Variants in SUGCT observed in about 807,000 individuals in gnomAD.
The protein encoded by SUGCT is succinyl-CoA:glutarate CoA-transferase.
Under a neutral mutation model 55.0 loss-of-function variants are expected in SUGCT, and 41 were observed. The observed-to-expected ratio is 0.74, with a 90% confidence interval of 0.58 to 0.97. SUGCT has a LOEUF of 0.97. SUGCT is among the 50% of genes least tolerant of loss of function. SUGCT has a pLI of 0.00. For synonymous variants in SUGCT, 187 were observed against 200.4 expected (o/e 0.93, Z 0.56); for missense variants, 568 against 547.8 (o/e 1.04, Z -0.37).
chr7:40,327,895 C>T (rs1333361112), intron 9 of SUGCT, among the ~76,000 whole-genome samples: 2 of 152,008 alleles, frequency 1.3e-5, no homozygotes, highest in Admixed American at 1.3e-4. Context: ...TTACCACAGC[C>T]CTTAAAATAG....
intron 7 of SUGCT, among the ~76,000 whole-genome samples, chr7:40,262,615 A>G (rs1164897603): frequency 6.6e-6 from 1 of 151,898 alleles, no homozygotes. Context: ...CAGTGAGCCG[A>G]GATCGTACCA....
chr7:40,756,798 A>G (rs1389688242), intron 13 of SUGCT, among the ~76,000 whole-genome samples: 1 of 152,184 alleles, frequency 6.6e-6, no homozygotes, highest in Non-Finnish European at 1.5e-5. Flanking sequence ...TTCAGATGAC[A>G]ACAGGAAAAG....
chr7:40,715,240 T>C (rs1252936949), intron 12 of SUGCT, among the ~76,000 whole-genome samples: 1 of 152,168 alleles, frequency 6.6e-6, no homozygotes, highest in Non-Finnish European at 1.5e-5. Context: ...GAATGAGCAG[T>C]TATGGTCAGT....
intron 12 of SUGCT, among the ~76,000 whole-genome samples, chr7:40,602,178 T>C (rs1396891894): frequency 6.6e-6 from 1 of 152,162 alleles, no homozygotes; most frequent in African/African-American, 2.4e-5. Context: ...CAAACCATGG[T>C]TATATACTTA....
At chr7:40,141,410 G>A (rs1787973373) in intron 1 of SUGCT, among the ~76,000 whole-genome samples, 1 of 152,026 alleles carries the variant, frequency 6.6e-6, no homozygotes, top group South Asian at 2.1e-4. Context: ...TGAGGCAGAT[G>A]GATCACAAGG....
chr7:40,554,100 A>G (rs1419527531), intron 12 of SUGCT, among the ~76,000 whole-genome samples: 1 of 152,224 alleles, frequency 6.6e-6, no homozygotes, highest in Non-Finnish European at 1.5e-5. Context: ...AAGCTGTGTA[A>G]CTTAGGCAAT....
Position 40,245,591 on chromosome 7 carries a change from C to T in SUGCT, c.576+7865C>T, listed in dbSNP as rs188134778. On this transcript the variant is annotated intron_variant, in intron 7 of 13. Transcript: ENST00000335693. ...AGTAGCTGGGACTACAGGGGCCCAC[C>T]ACCACGCCCGGCTAATTTTTTGTAT... Among the ~76,000 whole-genome samples the T allele has an allele frequency of 7.4e-3, 1,102 of 148,974 alleles. 16 individuals are homozygous for T. Among genetic ancestry groups the T allele is most frequent in the African/African-American group, 0.026 (1,041 of 40,384 alleles).
chr7:40,506,144 T>TA (rs1296668858), intron 12 of SUGCT, among the ~76,000 whole-genome samples: 1 of 152,172 alleles, frequency 6.6e-6, no homozygotes, highest in Non-Finnish European at 1.5e-5. Context: ...ACTTTCACCC[T>TA]AAAAGATTTT....
At chr7:40,195,186 G>T in intron 6 of SUGCT, 126 bp downstream of exon 6, 1 of 1,076,274 alleles carries the variant, frequency 9.3e-7, no homozygotes, top group Non-Finnish European at 1.3e-6. Context: ...TTTTTCCAAG[G>T]CCGTTTAGGT....
At chr7:40,675,793 G>A (rs968897449) in intron 12 of SUGCT, among the ~76,000 whole-genome samples, 2 of 152,188 alleles carry the variant, frequency 1.3e-5, no homozygotes, top group African/African-American at 2.4e-5. Flanking sequence ...AGAATGGAGA[G>A]GACTGCTGGG....
chr7:40,603,282 A>T (rs149049158), intron 12 of SUGCT, among the ~76,000 whole-genome samples: 209 of 152,356 alleles, frequency 1.4e-3, no homozygotes, highest in African/African-American at 4.8e-3. Context: ...AATATGTATG[A>T]CAAATGCATA....
chr7:40,140,033 G>C (rs1327756430), intron 1 of SUGCT, among the ~76,000 whole-genome samples: 3 of 151,914 alleles, frequency 2.0e-5, no homozygotes, highest in Non-Finnish European at 4.4e-5. Context: ...CTCCCAAGTA[G>C]CTGGGATTAC....
chr7:40,674,081 GA>G lies in SUGCT; in HGVS notation c.1090-75346del, dbSNP rs542212746. On this transcript the variant is annotated intron_variant, in intron 12 of 13. Coordinates refer to ENST00000335693, the MANE Select transcript of SUGCT (RefSeq NM_001193313.2). ...ATTAAAGATTAAGCATATTATGCAA[GA>G]AAAAAATGTAAAAGGCTTAAACTAG... Among the ~76,000 whole-genome samples the G allele has an allele frequency of 1.3e-3, 197 of 152,194 alleles. 2 individuals are homozygous for G. Among genetic ancestry groups the G allele is most frequent in the Admixed American group, 2.3e-3 (35 of 15,276 alleles).
intron 12 of SUGCT, among the ~76,000 whole-genome samples, chr7:40,571,325 A>C (rs1333355608): frequency 6.6e-6 from 1 of 152,214 alleles, no homozygotes. Context: ...TATAAATGAA[A>C]TTAATATTTG....
chr7:40,781,467 A>T (rs1465281224), intron 13 of SUGCT, among the ~76,000 whole-genome samples: 5 of 151,834 alleles, frequency 3.3e-5, no homozygotes, highest in Non-Finnish European at 7.4e-5. Context: ...TGCAGGGAAG[A>T]TACACACACA....
rs141226463 is a variant in SUGCT, at chr7:40,706,982, A to G, written c.1090-42452A>G. Among the ~76,000 whole-genome samples, 99 of 152,320 alleles carry G rather than the reference A, an allele frequency of 6.5e-4. No individual in the cohort carries two copies. In the Middle Eastern group the frequency reaches 0.01, roughly 16 times the overall value. ...TGGTCATGACACAGTTCGGCTAAGT[A>G]GAGAACTACCCACCCTCATTGTCCA... On this transcript the variant is annotated intron_variant, in intron 12 of 13. Transcript: ENST00000335693.
At chr7:40,185,896 A>G (rs1785475848) in intron 3 of SUGCT, among the ~76,000 whole-genome samples, 2 of 152,196 alleles carry the variant, frequency 1.3e-5, no homozygotes, top group East Asian at 3.9e-4. Context: ...TAATATTCAT[A>G]TTATATATTT....
chr7:40,633,790 T>C (rs977061481), intron 12 of SUGCT, among the ~76,000 whole-genome samples: 8 of 152,234 alleles, frequency 5.3e-5, no homozygotes, highest in Non-Finnish European at 1.0e-4. Flanking sequence ...CTTCTGGTTT[T>C]GCATAAATAT....
intron 12 of SUGCT, among the ~76,000 whole-genome samples, chr7:40,602,044 A>T (rs1798317630): frequency 6.6e-6 from 1 of 152,216 alleles, no homozygotes; most frequent in African/African-American, 2.4e-5. Context: ...ATATAACAAT[A>T]CTTAGAATTT....
Sources: allele counts gnomAD v4.1 joint callset (sites outside exome capture counted in the v4.1 genomes callset), GRCh38; gene constraint gnomAD v4.1.1; transcripts MANE v1.5; gene names NCBI Gene and HGNC (gene_info 2026-07-23, HGNC 2026-07-21).